The following ZNF804A variants were observed in gnomAD, a reference collection of about 807,000 sequenced individuals.
ZNF804A encodes the protein zinc finger protein 804A.
ZNF804A carries 2 observed loss-of-function variants against 16.5 expected under a neutral mutation model. That is an observed-to-expected ratio of 0.12 (90% CI 0.05 to 0.38). The LOEUF (loss-of-function observed/expected upper bound fraction) is 0.38. Among genes scored for constraint, ZNF804A ranks in the 10% least tolerant of loss-of-function variants. The pLI is 0.99. For missense variants in ZNF804A, 1,473 were observed against 1,390.7 expected, an observed-to-expected ratio of 1.06 and a Z score of -0.94; for synonymous variants, 534 against 489.6, an observed-to-expected ratio of 1.09 and a Z score of -1.20.
intron 1 of ZNF804A, among the ~76,000 whole-genome samples, chr2:184,603,757 A>G (rs1276217889): frequency 1.3e-5 from 2 of 152,164 alleles, no homozygotes; most frequent in East Asian, 1.9e-4. Context: ...TTCTTCACAC[A>G]AGCAGTCCAA....
chr2:184,772,649 T>G (rs910419166), intron 1 of ZNF804A, among the ~76,000 whole-genome samples: 1 of 151,762 alleles, frequency 6.6e-6, no homozygotes, highest in Admixed American at 6.6e-5. Context: ...GAAAAGGAAT[T>G]TCTGGATCAT....
chr2:184,857,466 A>G (rs916171227), intron 1 of ZNF804A, among the ~76,000 whole-genome samples: 3 of 152,154 alleles, frequency 2.0e-5, no homozygotes, highest in African/African-American at 7.2e-5. Flanking sequence ...GTGGAATATA[A>G]TACTCCGTAC....
chr2:184,848,760 G>T (rs1157897271), intron 1 of ZNF804A, among the ~76,000 whole-genome samples: 1 of 152,024 alleles, frequency 6.6e-6, no homozygotes, highest in Admixed American at 6.6e-5. Context: ...AACCTGTAAA[G>T]ACTTTGTAAG....
At chr2:184,928,854 T>C (rs551761093) in intron 2 of ZNF804A, among the ~76,000 whole-genome samples, 37 of 152,266 alleles carry the variant, frequency 2.4e-4, no homozygotes, top group Non-Finnish European at 1.3e-4. Flanking sequence ...GTTGTTTCTC[T>C]CTCACTCTCT....
At chr2:184,599,433 G>A (rs1056033579) in intron 1 of ZNF804A, among the ~76,000 whole-genome samples, 6 of 152,318 alleles carry the variant, frequency 3.9e-5, no homozygotes, top group African/African-American at 1.4e-4. Flanking sequence ...GGAGGCTGAA[G>A]GTGAATGAGG....
chr2:184,674,089 G>A (rs1692383151), intron 1 of ZNF804A, among the ~76,000 whole-genome samples: 1 of 151,978 alleles, frequency 6.6e-6, no homozygotes, highest in South Asian at 2.1e-4. Context: ...TTTTCAAATG[G>A]CAAGTTTTTT....
chr2:184,672,175 C>T (rs1692347589), intron 1 of ZNF804A, among the ~76,000 whole-genome samples: 1 of 152,116 alleles, frequency 6.6e-6, no homozygotes, highest in African/African-American at 2.4e-5. Flanking sequence ...ATGGGAAGAG[C>T]AGAAGTATGA....
chr2:184,887,920 T>C (rs780877571), intron 2 of ZNF804A, among the ~76,000 whole-genome samples: 1 of 152,040 alleles, frequency 6.6e-6, no homozygotes, highest in Non-Finnish European at 1.5e-5. Context: ...GAGCTAAACA[T>C]TGAGTATATA....
At chr2:184,753,914 T>A (rs1255930862) in intron 1 of ZNF804A, among the ~76,000 whole-genome samples, 1 of 151,932 alleles carries the variant, frequency 6.6e-6, no homozygotes. Context: ...CCAATTAAAT[T>A]TGAATTTTAG....
At chr2:184,604,337 A>AT (rs371947465) in intron 1 of ZNF804A, among the ~76,000 whole-genome samples, 31 of 149,210 alleles carry the variant, frequency 2.1e-4, no homozygotes, top group African/African-American at 4.4e-4. Flanking sequence ...CGCCCGGCTA[A>AT]TTTTTTTTTG....
chr2:184,714,231 C>G (rs17430980), intron 1 of ZNF804A, among the ~76,000 whole-genome samples: 2,261 of 152,042 alleles, frequency 0.015, 24 homozygotes, highest in Non-Finnish European at 0.024. Flanking sequence ...AGGTGCCTCC[C>G]TCTTACTTTG....
intron 1 of ZNF804A, among the ~76,000 whole-genome samples, chr2:184,822,225 G>A (rs759291618): frequency 3.3e-5 from 5 of 152,004 alleles, no homozygotes; most frequent in South Asian, 2.1e-4. Context: ...AATACTATGC[G>A]GCTAGAAAAA....
At chr2:184,897,643 A>C (rs1685109221) in intron 2 of ZNF804A, among the ~76,000 whole-genome samples, 1 of 152,112 alleles carries the variant, frequency 6.6e-6, no homozygotes, top group African/African-American at 2.4e-5. Context: ...TTTTTATTTC[A>C]ATCATTAATT....
chr2:184,656,970 A>G (rs1692087790), intron 1 of ZNF804A, among the ~76,000 whole-genome samples: 1 of 152,126 alleles, frequency 6.6e-6, no homozygotes, highest in African/African-American at 2.4e-5. Context: ...TATGTTTTCC[A>G]ATTAGGTCTC....
intron 1 of ZNF804A, among the ~76,000 whole-genome samples, chr2:184,865,121 C>T (rs1358824228): frequency 6.6e-6 from 1 of 151,940 alleles, no homozygotes; most frequent in Non-Finnish European, 1.5e-5. Flanking sequence ...CTCAAGTGAT[C>T]CACATGCCTG....
intron 2 of ZNF804A, among the ~76,000 whole-genome samples, chr2:184,899,286 C>G (rs1286112184): frequency 1.3e-5 from 2 of 151,988 alleles, no homozygotes; most frequent in Non-Finnish European, 2.9e-5. Context: ...TAACAATAGG[C>G]AGATCACTCA....
At chr2:184,642,153 C>T (rs1469189968) in intron 1 of ZNF804A, among the ~76,000 whole-genome samples, 7 of 152,112 alleles carry the variant, frequency 4.6e-5, no homozygotes, top group African/African-American at 2.4e-5. Flanking sequence ...GTTTGTGGCA[C>T]TATTTTTTTC....
rs1373307857 is a variant in ZNF804A at position 184,647,357 on chromosome 2, A to G, written c.111+48287A>G. 2.6e-5 allele frequency among the ~76,000 whole-genome samples: 4 copies of G among 152,230 alleles called. No homozygotes were observed. The East Asian group carries it at 7.7e-4, about 29-fold the overall frequency. On this transcript the variant is annotated intron_variant, in intron 1 of 3. Coordinates refer to ENST00000302277, the MANE Select transcript of ZNF804A (RefSeq NM_194250.2). Reference sequence around the variant, plus strand: ...AAAAACTCTGAATGTAGTGACGCCAACAAAGGATCACATTAGATCTCTTAC... The same window carrying G: ...AAAAACTCTGAATGTAGTGACGCCAGCAAAGGATCACATTAGATCTCTTAC...
rs564143068 is a variant in ZNF804A at position 184,732,502 on chromosome 2, G to C, written c.111+133432G>C. Among the ~76,000 whole-genome samples the C allele has an allele frequency of 2.0e-5, 3 of 152,050 alleles. No individual in the cohort carries two copies. In the East Asian group the frequency reaches 5.8e-4, roughly 29 times the overall value. ...TTCAACTTTGTTCTTCTTTATTACT[G>C]TGTTGGCTATTCTGTGTCTTTTCCC... On this transcript the variant is annotated intron_variant, in intron 1 of 3. Transcript: ENST00000302277.
Sources: gnomAD v4.1 joint callset for allele counts (sites outside exome capture counted in the v4.1 genomes callset) on GRCh38, gnomAD v4.1.1 for gene constraint, MANE v1.5 for transcripts, NCBI Gene and HGNC (gene_info 2026-07-23, HGNC 2026-07-21) for gene names.